Variants in CCDC83 observed in about 807,000 individuals in gnomAD.
CCDC83 encodes coiled-coil domain-containing protein 83.
Under a neutral mutation model 50.1 loss-of-function variants are expected in CCDC83, and 54 were observed. The ratio of observed to expected loss-of-function variants is 1.08; its 90% CI spans 0.87 to 1.35. CCDC83 has a LOEUF of 1.35. CCDC83 is among the 40% of genes most tolerant of loss of function. The probability of loss-of-function intolerance (pLI) is 0.00; values close to 1 mark genes in which losing one functional copy is unlikely to be tolerated. For missense variants in CCDC83, 518 were observed against 473.9 expected, an observed-to-expected ratio of 1.09 and a Z score of -0.86; for synonymous variants, 161 against 153.3, an observed-to-expected ratio of 1.05 and a Z score of -0.37.
At chr11:85,874,240 T>C (rs980859112) in intron 3 of CCDC83, among the ~76,000 whole-genome samples, 29 of 152,330 alleles carry the variant, frequency 1.9e-4, no homozygotes, top group Admixed American at 7.8e-4. Context: ...TCACTTGTAA[T>C]AGGGACTAAA....
intron 7 of CCDC83, among the ~76,000 whole-genome samples, chr11:85,908,559 A>T (rs1405395966): frequency 1.0e-5 from 1 of 98,574 alleles, no homozygotes; most frequent in Non-Finnish European, 2.2e-5. Context: ...GATTAGATAG[A>T]TAGATAGATA....
intron 1 of CCDC83, among the ~76,000 whole-genome samples, chr11:85,861,773 C>T (rs1276942994): frequency 6.6e-6 from 1 of 151,714 alleles, no homozygotes; most frequent in East Asian, 1.9e-4. Flanking sequence ...CTTTGGGAGG[C>T]CAAAGTGGGT....
At chr11:85,891,342 G>A (rs1490806563) in intron 5 of CCDC83, among the ~76,000 whole-genome samples, 2 of 152,172 alleles carry the variant, frequency 1.3e-5, no homozygotes, top group East Asian at 1.9e-4. Flanking sequence ...CCCAGGGGGC[G>A]AGGAGGAGAA....
intron 4 of CCDC83, among the ~76,000 whole-genome samples, chr11:85,885,476 G>A: frequency 6.6e-6 from 1 of 152,190 alleles, no homozygotes; most frequent in East Asian, 1.9e-4. Context: ...TAAGTTTGTT[G>A]TACTTGACTC....
At chr11:85,884,485 T>C (rs150038443) in intron 4 of CCDC83, among the ~76,000 whole-genome samples, 81 of 152,268 alleles carry the variant, frequency 5.3e-4, no homozygotes, top group African/African-American at 1.9e-3. Flanking sequence ...GCAACCCTTT[T>C]CATCCAACTT....
intron 3 of CCDC83, among the ~76,000 whole-genome samples, chr11:85,880,220 C>T (rs555433218): frequency 6.6e-5 from 10 of 152,250 alleles, no homozygotes; most frequent in African/African-American, 2.2e-4. Flanking sequence ...CTTTACTATG[C>T]TGTCTTCCAA....
chr11:85,877,590 AG>A (rs1358727120), intron 3 of CCDC83, among the ~76,000 whole-genome samples: 10 of 152,220 alleles, frequency 6.6e-5, no homozygotes, highest in Admixed American at 6.5e-4. Flanking sequence ...TATTTTAAGA[AG>A]TATTGTGTCA....
intron 3 of CCDC83, among the ~76,000 whole-genome samples, chr11:85,875,886 A>C (rs2093266560): frequency 6.6e-6 from 1 of 152,110 alleles, no homozygotes; most frequent in Non-Finnish European, 1.5e-5. Context: ...CACCTACCTC[A>C]TTAGATGTTC....
chr11:85,873,064 C>T, intron 2 of CCDC83, 147 bp from the exon 3 acceptor site: 1 of 410,520 alleles, frequency 2.4e-6, no homozygotes, highest in Non-Finnish European at 4.4e-6. Flanking sequence ...AAAATAGATT[C>T]AGAAACACAA....
chr11:85,881,104 T>C (rs1057365310), intron 3 of CCDC83, among the ~76,000 whole-genome samples: 5 of 152,088 alleles, frequency 3.3e-5, no homozygotes, highest in African/African-American at 4.8e-5. Flanking sequence ...CACAGTGGCT[T>C]ATGCCTGTAG....
chr11:85,916,096 A>G lies in CCDC83; in HGVS notation c.943A>G (p.Thr315Ala), dbSNP rs1478215010. The G allele has an allele frequency of 1.1e-5, 18 of 1,613,042 alleles. No individual in the cohort carries two copies. The Admixed American group carries it at 3.0e-4, about 27-fold the overall frequency. Residue 315 changes from threonine to alanine, a missense_variant, in exon 10 of 11, where the codon ACT becomes GCT. Coordinates refer to ENST00000342404, the MANE Select transcript of CCDC83 (RefSeq NM_001286159.2). ...CTTGATGTCCTCATCAGATGAGAGC[A>G]CTATCTTACATCTTAGTCATGAAAA... ...RDLMSSSDES[T>A]ILHLSHENSI...
At chr11:85,896,568 TTAAAA>T (rs2093376893) in intron 6 of CCDC83, among the ~76,000 whole-genome samples, 1 of 152,036 alleles carries the variant, frequency 6.6e-6, no homozygotes, top group African/African-American at 2.4e-5. Flanking sequence ...TAACAAAATA[TTAAAA>T]TAAAAGTTTT....
chr11:85,855,615 C>T (rs1252012824), intron 1 of CCDC83, 31 bp downstream of exon 1: 4 of 152,450 alleles, frequency 2.6e-5, no homozygotes, highest in East Asian at 1.9e-4. Context: ...CCTCACACAG[C>T]CCCTAGCACA....
At chr11:85,903,397 C>T (rs767305062) in intron 7 of CCDC83, among the ~76,000 whole-genome samples, 15 of 151,972 alleles carry the variant, frequency 9.9e-5, no homozygotes, top group Non-Finnish European at 2.1e-4. Flanking sequence ...CAGGTTCAAG[C>T]AATTCTTGTA....
At chr11:85,861,999 A>T (rs1213427221) in intron 1 of CCDC83, among the ~76,000 whole-genome samples, 1 of 46,772 alleles carries the variant, frequency 2.1e-5, no homozygotes, top group Non-Finnish European at 4.8e-5. Context: ...CTGTCTCATT[A>T]AAAAAAAAAA....
Position 85,911,281 on chromosome 11 carries a change from G to A in CCDC83, c.673G>A (p.Val225Ile). 1.2e-6 allele frequency: 2 copies of A among 1,606,346 alleles called. No homozygotes were observed. The highest frequency in any genetic ancestry group is 1.7e-6 in the Non-Finnish European group (2 of 1,176,280). The change falls in exon 8 of 11, where the codon GTT becomes ATT. Residue 225 changes from valine (V) to isoleucine (I), a missense_variant and splice_region_variant. Transcript: ENST00000342404. ...IWENDWLKKE[V>I]AIHRKEVEEL... Reference sequence around the variant, plus strand: ...ATTCATTCTCTTCTTCTGAGAACAGGTTGCAATTCACAGGAAGGAAGTTGA... The same window carrying A: ...ATTCATTCTCTTCTTCTGAGAACAGATTGCAATTCACAGGAAGGAAGTTGA...
intron 1 of CCDC83, among the ~76,000 whole-genome samples, chr11:85,864,199 A>T (rs1175556682): frequency 6.6e-6 from 1 of 152,234 alleles, no homozygotes; most frequent in Non-Finnish European, 1.5e-5. Context: ...CAAGAATTAC[A>T]TTATCCTCAC....
rs147611100 is a variant in CCDC83, at chr11:85,897,954, C to T, written c.604-993C>T. On this transcript the variant is annotated intron_variant, in intron 6 of 10. Coordinates refer to ENST00000342404, the MANE Select transcript of CCDC83 (RefSeq NM_001286159.2). ...GGTGGATCACTTGAGATCAGGAGTTCGAGACCAGCCTGGCCAACATGGTGA... is the reference window on the plus strand; with the variant it reads ...GGTGGATCACTTGAGATCAGGAGTTTGAGACCAGCCTGGCCAACATGGTGA... Among the ~76,000 whole-genome samples, 791 of 152,146 alleles carry T rather than the reference C, an allele frequency of 5.2e-3. 6 individuals are homozygous for T. Among genetic ancestry groups the T allele is most frequent in the African/African-American group, 0.018 (743 of 41,522 alleles).
At chr11:85,859,099 T>G (rs2153681358) in intron 1 of CCDC83, among the ~76,000 whole-genome samples, 1 of 146,138 alleles carries the variant, frequency 6.8e-6, no homozygotes, top group Non-Finnish European at 1.5e-5. Context: ...TGGTCCATAA[T>G]GTTTATGTTA....
Sources: allele counts gnomAD v4.1 joint callset (sites outside exome capture counted in the v4.1 genomes callset), GRCh38; gene constraint gnomAD v4.1.1; transcripts MANE v1.5; gene names NCBI Gene and HGNC (gene_info 2026-07-23, HGNC 2026-07-21).